DLGAP2: variants seen among roughly 807,000 people sequenced by gnomAD.
DLGAP2 encodes the protein DLG associated protein 2.
A neutral mutation model predicts 100.3 loss-of-function variants in DLGAP2; 26 were observed. The ratio of observed to expected loss-of-function variants is 0.26; its 90% CI spans 0.19 to 0.36. The LOEUF is 0.36. DLGAP2 is among the 10% of genes least tolerant of loss of function. The pLI is 1.00. For synonymous variants in DLGAP2, 886 were observed against 630.1 expected (o/e 1.41, Z -6.08); for missense variants, 1,858 against 1,453.2 (o/e 1.28, Z -4.53).
intron 1 of DLGAP2, among the ~76,000 whole-genome samples, chr8:778,513 G>C (rs941584696): frequency 1.2e-4 from 18 of 152,226 alleles, no homozygotes; most frequent in Admixed American, 1.2e-3. Context: ...GTGATATACA[G>C]ATGGGTTTTC....
intron 3 of DLGAP2, among the ~76,000 whole-genome samples, chr8:1,350,197 AGTGTGCGTGGAAAGGCCGTGCGGGTC>A (rs1801676866): frequency 6.7e-6 from 1 of 150,354 alleles, no homozygotes; most frequent in Non-Finnish European, 1.5e-5. Flanking sequence ...GCGGGTCCTG[AGTGTGCGTGGAAAGGCCGTGCGGGTC>A]CTGAGTGTGC....
At chr8:1,137,246 A>G (rs756180280) in intron 2 of DLGAP2, 1 of 152,360 alleles carries the variant, frequency 6.6e-6, no homozygotes, top group Non-Finnish European at 1.5e-5. Flanking sequence ...CACCAGTCCT[A>G]TTGAATTAGG....
At chr8:817,128 G>A (rs377227217) in intron 1 of DLGAP2, among the ~76,000 whole-genome samples, 6 of 136,298 alleles carry the variant, frequency 4.4e-5, no homozygotes, top group African/African-American at 1.4e-4. Flanking sequence ...GCGACACAGC[G>A]AGACTCCGTC....
At chr8:1,691,025 A>C (rs1799246881) in intron 12 of DLGAP2, among the ~76,000 whole-genome samples, 1 of 152,208 alleles carries the variant, frequency 6.6e-6, no homozygotes, top group African/African-American at 2.4e-5. Flanking sequence ...CAGCACTGCC[A>C]GGAGATAACT....
intron 8 of DLGAP2, among the ~76,000 whole-genome samples, chr8:1,639,732 G>C (rs979095043): frequency 2.6e-5 from 4 of 152,210 alleles, no homozygotes; most frequent in East Asian, 3.9e-4. Context: ...GGTCGTTCTG[G>C]AGGCTTCCGG....
Position 1,039,547 on chromosome 8 carries a change from G to A in DLGAP2, c.73+131581G>A, listed in dbSNP as rs563388239. On this transcript the variant is annotated intron_variant, in intron 2 of 14. Coordinates refer to ENST00000637795, the MANE Select transcript of DLGAP2 (RefSeq NM_001346810.2). ...TCAGCTCGGTGTGCGTGGTCAGCTT[G>A]GTGTGCGTGGTCAGCTTGGTGTGCG... Among the ~76,000 whole-genome samples, 25 of 115,186 alleles carry A rather than the reference G, an allele frequency of 2.2e-4. 2 individuals are homozygous for A. Among genetic ancestry groups the A allele is most frequent in the Non-Finnish European group, 3.4e-4 (20 of 58,160 alleles). 75.6% of individuals were successfully genotyped at this position (115,186 alleles called of 152,430 possible).
intron 1 of DLGAP2, among the ~76,000 whole-genome samples, chr8:751,405 C>T (rs184115494): frequency 3.5e-4 from 53 of 152,352 alleles, no homozygotes; most frequent in Admixed American, 7.8e-4. Flanking sequence ...TTCTGACAGT[C>T]GCTCAGGAGG....
At chr8:745,049 C>G (rs771255687) in intron 1 of DLGAP2, among the ~76,000 whole-genome samples, 1 of 152,214 alleles carries the variant, frequency 6.6e-6, no homozygotes, top group Non-Finnish European at 1.5e-5. Context: ...TGCATGAACT[C>G]GTAAATACAC....
intron 3 of DLGAP2, among the ~76,000 whole-genome samples, chr8:1,437,575 G>C (rs963069365): frequency 7.9e-5 from 12 of 152,178 alleles, no homozygotes; most frequent in Non-Finnish European, 1.8e-4. Flanking sequence ...AACGCTATCT[G>C]AGTGGTGAAT....
chr8:1,421,430 A>G (rs1797085010), intron 3 of DLGAP2, among the ~76,000 whole-genome samples: 1 of 152,226 alleles, frequency 6.6e-6, no homozygotes, highest in Non-Finnish European at 1.5e-5. Context: ...CCCACACAAG[A>G]GACATGGAAT....
At chr8:1,608,860 A>G (rs1796907325) in intron 6 of DLGAP2, among the ~76,000 whole-genome samples, 1 of 150,964 alleles carries the variant, frequency 6.6e-6, no homozygotes, top group Non-Finnish European at 1.5e-5. Context: ...AAAAGAAATG[A>G]GCAAAGCCTC....
At position 1,573,070 on chromosome 8, in the gene DLGAP2, G is replaced by C. The variant is rs59561824; in HGVS notation, c.1442+7176G>C. On this transcript the variant is annotated intron_variant, in intron 6 of 14. Transcript: ENST00000637795. ...AGATGGAGAGGAGAGAGGGTGAACT[G>C]TGGGGGCATCTGATGAGATGGAGAG... 5.9e-3 allele frequency among the ~76,000 whole-genome samples: 491 copies of C among 82,998 alleles called. 4 individuals are homozygous for C. Among genetic ancestry groups the C allele is most frequent in the African/African-American group, 0.021 (380 of 17,824 alleles). 54.4% of individuals were successfully genotyped at this position (82,998 alleles called of 152,430 possible).
At chr8:1,672,110 C>A (rs2130844749) in intron 10 of DLGAP2, among the ~76,000 whole-genome samples, 1 of 152,350 alleles carries the variant, frequency 6.6e-6, no homozygotes, top group East Asian at 1.9e-4. Context: ...CTCCCAGATA[C>A]TGCGGTTAGG....
chr8:1,441,620 G>T (rs945166094), intron 3 of DLGAP2, among the ~76,000 whole-genome samples: 1 of 149,226 alleles, frequency 6.7e-6, no homozygotes, highest in Non-Finnish European at 1.5e-5. Flanking sequence ...CCCAGGAGGC[G>T]GAGGTTGCAG....
intron 3 of DLGAP2, among the ~76,000 whole-genome samples, chr8:1,329,069 G>GGCGACAGGTGACAAGCGACAA (rs1243039498): frequency 1.3e-5 from 2 of 152,122 alleles, no homozygotes; most frequent in East Asian, 3.9e-4. Context: ...AACTGCGACA[G>GGCGACAGGTGACAAGCGACAA]GCGACAGGTG....
At chr8:1,219,382 TTTTTA>T (rs1798273566) in intron 2 of DLGAP2, among the ~76,000 whole-genome samples, 1 of 152,168 alleles carries the variant, frequency 6.6e-6, no homozygotes, top group African/African-American at 2.4e-5. Flanking sequence ...GATCATGTAG[TTTTTA>T]TTTTTAGTTA....
intron 3 of DLGAP2, among the ~76,000 whole-genome samples, chr8:1,436,957 G>A (rs1005411025): frequency 6.6e-6 from 1 of 152,274 alleles, no homozygotes; most frequent in Admixed American, 6.5e-5. Context: ...ACGCTGTGCA[G>A]GTGCAGCCTG....
At chr8:1,328,240 C>T (rs1439963259) in intron 3 of DLGAP2, among the ~76,000 whole-genome samples, 2 of 151,910 alleles carry the variant, frequency 1.3e-5, no homozygotes, top group African/African-American at 2.4e-5. Flanking sequence ...CAGGATTTCA[C>T]CTCATTGGCC....
chr8:1,466,004 G>T (rs1402267745), intron 3 of DLGAP2, among the ~76,000 whole-genome samples: 2 of 152,214 alleles, frequency 1.3e-5, no homozygotes, highest in Admixed American at 6.5e-5. Context: ...TACAGCAGAG[G>T]CCGTGGGAGT....
Sources: allele counts gnomAD v4.1 joint callset (sites outside exome capture counted in the v4.1 genomes callset), GRCh38; gene constraint gnomAD v4.1.1; transcripts MANE v1.5; gene names NCBI Gene and HGNC (gene_info 2026-07-23, HGNC 2026-07-21).